The following CCND3 variants were observed in gnomAD, a reference collection of about 807,000 sequenced individuals.
CCND3 encodes cyclin D3, also known as G1/S-specific cyclin-D3.
A neutral mutation model predicts 28.7 loss-of-function variants in CCND3; 9 were observed. That is an observed-to-expected ratio of 0.31 (90% CI 0.19 to 0.55). CCND3 has a LOEUF of 0.55. Among genes scored for constraint, CCND3 ranks in the 20% least tolerant of loss-of-function variants. CCND3 has a pLI of 0.93. For missense variants in CCND3, 315 were observed against 385.8 expected, an observed-to-expected ratio of 0.82 and a Z score of 1.54; for synonymous variants, 164 against 163.9, an observed-to-expected ratio of 1.00 and a Z score of 0.00.
At chr6:41,979,351 G>A (rs1762269793) in intron 1 of CCND3, among the ~76,000 whole-genome samples, 1 of 151,342 alleles carries the variant, frequency 6.6e-6, no homozygotes, top group South Asian at 2.1e-4. Context: ...GGCTAACACG[G>A]TGAAACCCCG....
intron 1 of CCND3, among the ~76,000 whole-genome samples, chr6:42,028,826 C>T (rs1247836138): frequency 2.0e-5 from 3 of 152,206 alleles, no homozygotes; most frequent in Non-Finnish European, 2.9e-5. Context: ...AGCACAATGT[C>T]TGGCACACAG....
intron 1 of CCND3, among the ~76,000 whole-genome samples, chr6:41,996,866 T>C (rs1352451311): frequency 6.6e-6 from 1 of 152,096 alleles, no homozygotes; most frequent in African/African-American, 2.4e-5. Context: ...GATTTCACCA[T>C]GTTGGCCAGG....
chr6:42,035,147 A>G (rs568062269), intron 1 of CCND3, among the ~76,000 whole-genome samples: 1 of 152,334 alleles, frequency 6.6e-6, no homozygotes, highest in Non-Finnish European at 1.5e-5. Flanking sequence ...CCTGGAGCAC[A>G]GGGCCTATTA....
chr6:41,971,967 T>C (rs1762041530), intron 1 of CCND3, among the ~76,000 whole-genome samples: 1 of 150,104 alleles, frequency 6.7e-6, no homozygotes, highest in Non-Finnish European at 1.5e-5. Context: ...GGCTCACGCC[T>C]GTAATCCCAG....
intron 1 of CCND3, among the ~76,000 whole-genome samples, chr6:42,008,196 C>T (rs1271157158): frequency 6.6e-6 from 1 of 152,120 alleles, no homozygotes; most frequent in African/African-American, 2.4e-5. Flanking sequence ...GCCTGGCCAA[C>T]ATGGCGAAAC....
chr6:41,941,786 C>A lies in CCND3; in HGVS notation c.-137G>T, dbSNP rs1776040150. On this transcript the variant is annotated 5_prime_UTR_variant, in exon 1 of 5. Coordinates refer to ENST00000372991, the MANE Select transcript of CCND3 (RefSeq NM_001760.5). This position sits in a 1 kb window ranked among gnomAD's most constrained non-coding sequence, Gnocchi z 6.1. ...GGATCCCCAGCCCGCCCGCCGCCCGCGCGCGCGCGCCGCTTCCCTGACAGG... is the reference window on the plus strand; with the variant it reads ...GGATCCCCAGCCCGCCCGCCGCCCGAGCGCGCGCGCCGCTTCCCTGACAGG... 4 of 223,988 alleles carry A rather than the reference C, an allele frequency of 1.8e-5. No individual in the cohort carries two copies. The highest frequency in any genetic ancestry group is 2.5e-5 in the Non-Finnish European group (4 of 160,930). 13.9% of individuals were successfully genotyped at this position (223,988 alleles called of 1,614,324 possible). A position where few individuals can be genotyped will look rare whatever the true frequency, so the allele number is the denominator to read the frequency against.
intron 1 of CCND3, among the ~76,000 whole-genome samples, chr6:41,958,805 C>T (rs1056959365): frequency 6.6e-5 from 10 of 152,136 alleles, no homozygotes; most frequent in African/African-American, 1.9e-4. Context: ...CTCTCAGAAG[C>T]GTCTCAGTTC....
rs2127389763 is a variant in CCND3 at position 41,936,069 on chromosome 6, T to A, written c.750A>T (p.Ala250=). 6.2e-7 allele frequency: 1 copy of A among 1,610,758 alleles called. No homozygotes were observed. Among genetic ancestry groups the A allele is most frequent in the Non-Finnish European group, 8.5e-7 (1 of 1,178,200 alleles). ...LRACQEQIEA[A]LRESLREASQ... ...AGGCTTCCCTGAGGCTCTCCCTGAG[T>A]GCAGCTTCGATCTGCTCCTGACAGG... is the stretch of plus-strand genomic sequence containing the variant. The change falls in exon 5 of 5, where the codon GCA becomes GCT. Residue 250 remains alanine (A), a synonymous_variant. Transcript: ENST00000372991. This position sits in a 1 kb window ranked among gnomAD's most constrained non-coding sequence, Gnocchi z 4.4.
intron 1 of CCND3, among the ~76,000 whole-genome samples, chr6:42,043,671 C>G (rs1010971156): frequency 5.3e-5 from 8 of 152,222 alleles, no homozygotes; most frequent in African/African-American, 1.9e-4. Context: ...GCACTCCAGC[C>G]TGGGCGACAG....
chr6:41,950,863 C>G (rs1302637129), intron 1 of CCND3, among the ~76,000 whole-genome samples: 1 of 151,988 alleles, frequency 6.6e-6, no homozygotes, highest in Non-Finnish European at 1.5e-5. Flanking sequence ...CGCCCCCCAC[C>G]ACGCCCAGCT....
Position 41,941,017 on chromosome 6 carries a change from C to G in CCND3, c.199-432G>C. The G allele has an allele frequency of 6.2e-7, 1 of 1,611,134 alleles. No homozygotes were observed. The highest frequency in any genetic ancestry group is 1.7e-5 in the Admixed American group (1 of 59,844). ...CTTTTCATTTCCCTGTCGGCCGGAA[C>G]AGGGCGCGCGCCACCCCCATCGCCT... is the stretch of plus-strand genomic sequence containing the variant. On this transcript the variant is annotated intron_variant, in intron 1 of 4. Coordinates refer to ENST00000372991, the MANE Select transcript of CCND3 (RefSeq NM_001760.5). The surrounding 1 kb of genome is among the most constrained non-coding windows in gnomAD (Gnocchi z 6.1).
At chr6:41,978,956 G>C (rs1762254828) in intron 1 of CCND3, among the ~76,000 whole-genome samples, 1 of 151,308 alleles carries the variant, frequency 6.6e-6, no homozygotes, top group Admixed American at 6.6e-5. Context: ...CGGATTACCT[G>C]AGGTCAGGAG....
chr6:41,975,514 C>T (rs1762153070), intron 1 of CCND3, among the ~76,000 whole-genome samples: 1 of 152,168 alleles, frequency 6.6e-6, no homozygotes, highest in Non-Finnish European at 1.5e-5. Flanking sequence ...CACATCTAAA[C>T]AGATGGTGGT....
chr6:41,964,809 T>C (rs1761839439), intron 1 of CCND3, among the ~76,000 whole-genome samples: 1 of 151,692 alleles, frequency 6.6e-6, no homozygotes, highest in African/African-American at 2.4e-5. Context: ...AACCAGTAAG[T>C]AGAGAGCAGT....
upstream of CCND3, among the ~76,000 whole-genome samples, chr6:41,942,921 C>G (rs1352281066): frequency 8.0e-6 from 1 of 124,490 alleles, no homozygotes; most frequent in African/African-American, 3.1e-5. Context: ...CTCTGTTGCT[C>G]AAGCTGGAGT....
In CCND3 at chr6:41,937,356, G is replaced by C. The variant is rs1321298664; in HGVS notation, c.453C>G (p.Asp151Glu). Residue 151 changes from aspartate (D) to glutamate (E), a missense_variant, in exon 3 of 5, where the codon GAC becomes GAG. Coordinates refer to ENST00000372991, the MANE Select transcript of CCND3 (RefSeq NM_001760.5). ...EVLVLGKLKWDLAAVIAHDFL... is the reference protein window; with the variant it reads ...EVLVLGKLKWELAAVIAHDFL... ...AATCATGTGCAATCACAGCAGCCAG[G>C]TCCCACTTGAGCTTCCCTAGGACCA... 1.9e-6 allele frequency: 3 copies of C among 1,614,052 alleles called. No homozygotes were observed. Among genetic ancestry groups the C allele is most frequent in the Non-Finnish European group, 2.5e-6 (3 of 1,180,040 alleles).
Position 41,936,829 on chromosome 6 carries a change from G to T in CCND3, c.575-134C>A. The T allele has an allele frequency of 1.2e-6, 1 of 851,362 alleles. No homozygotes were observed. Among genetic ancestry groups the T allele is most frequent in the Non-Finnish European group, 1.8e-6 (1 of 549,924 alleles). 52.7% of individuals were successfully genotyped at this position (851,362 alleles called of 1,614,324 possible). A position where few individuals can be genotyped will look rare whatever the true frequency, so the allele number is the denominator to read the frequency against. ...ACATGCTGGAAAACTCCAGCAGTGG[G>T]TGGGGCAAGATATCAGCAAGGGAGG... On this transcript the variant is annotated intron_variant, in intron 3 of 4. Coordinates refer to ENST00000372991, the MANE Select transcript of CCND3 (RefSeq NM_001760.5). This position sits in a 1 kb window ranked among gnomAD's most constrained non-coding sequence, Gnocchi z 4.4.
At chr6:42,019,488 C>CAAA (rs57466823) in intron 1 of CCND3, among the ~76,000 whole-genome samples, 1,099 of 84,408 alleles carry the variant, frequency 0.013, 34 homozygotes, top group African/African-American at 0.03. Flanking sequence ...GACTCTGTCT[C>CAAA]AAAAAAAAAA....
chr6:42,040,373 G>A (rs563228944), intron 1 of CCND3, among the ~76,000 whole-genome samples: 53 of 152,136 alleles, frequency 3.5e-4, no homozygotes, highest in East Asian at 1.7e-3. Context: ...AGCTGAGATC[G>A]TGCCATTGCA....
Sources: gnomAD v4.1 joint callset for allele counts (sites outside exome capture counted in the v4.1 genomes callset) on GRCh38, gnomAD v4.1.1 for gene constraint, Gnocchi (gnomAD v3.1) non-coding constraint, MANE v1.5 for transcripts, NCBI Gene and HGNC (gene_info 2026-07-23, HGNC 2026-07-21) for gene names.